MYO9A: variants seen among roughly 807,000 people sequenced by gnomAD.
The protein encoded by MYO9A is unconventional myosin-IXa.
A neutral mutation model predicts 293.3 loss-of-function variants in MYO9A; 103 were observed. The ratio of observed to expected loss-of-function variants is 0.35; its 90% CI spans 0.30 to 0.41. The LOEUF (loss-of-function observed/expected upper bound fraction) is 0.41, where lower values mean the gene tolerates loss of function less well. MYO9A is among the 10% of genes least tolerant of loss of function. MYO9A has a pLI of 1.00. For synonymous variants in MYO9A, 1,001 were observed against 1,035.7 expected, an observed-to-expected ratio of 0.97 and a Z score of 0.64; for missense variants, 2,685 against 3,033.0, an observed-to-expected ratio of 0.89 and a Z score of 2.69.
At chr15:71,871,941 T>C (rs974913666) in intron 32 of MYO9A, among the ~76,000 whole-genome samples, 4 of 151,752 alleles carry the variant, frequency 2.6e-5, no homozygotes, top group Admixed American at 1.3e-4. Context: ...AATGATTTTA[T>C]ACGGACACTG....
At chr15:71,827,735 T>C in intron 41 of MYO9A, 149 bp downstream of exon 41, 1 of 843,714 alleles carries the variant, frequency 1.2e-6, no homozygotes, top group Admixed American at 2.7e-5. Flanking sequence ...AGGCTAAAAT[T>C]ATATGGATAA....
rs2080030805 is a variant in MYO9A at position 72,095,179 on chromosome 15, CT to C, written c.-72+22500del. ...CCTAGACAGGCCAAAAGCTAGACCT[CT>C]TGTGCAAAACAGTTTGCCAAGTTGT... On this transcript the variant is annotated intron_variant, in intron 1 of 41. Transcript: ENST00000356056. Among the ~76,000 whole-genome samples, 3 of 92,500 alleles carry C rather than the reference CT, an allele frequency of 3.2e-5. 1 individual carries two copies. The highest frequency in any genetic ancestry group is 7.7e-5 in the African/African-American group (3 of 39,094). The allele number at this position is 92,500 out of a possible 152,430, so 60.7% of individuals were successfully genotyped here. A position where few individuals can be genotyped will look rare whatever the true frequency, so the allele number is the denominator to read the frequency against.
chr15:72,044,581 TATGC>T (rs1392715266), intron 2 of MYO9A, among the ~76,000 whole-genome samples: 1 of 152,198 alleles, frequency 6.6e-6, no homozygotes, highest in African/African-American at 2.4e-5. Flanking sequence ...GCTCTGTTTC[TATGC>T]ATTCAACTTT....
intron 14 of MYO9A, chr15:71,953,706 T>C (rs2059111147): frequency 6.6e-6 from 1 of 152,172 alleles, no homozygotes; most frequent in South Asian, 2.1e-4. Context: ...TTCTATACCT[T>C]TTTACAGTTT....
At chr15:72,096,160 CAAA>C (rs990440272) in intron 1 of MYO9A, among the ~76,000 whole-genome samples, 7 of 61,482 alleles carry the variant, frequency 1.1e-4, no homozygotes, top group Admixed American at 2.1e-4. Flanking sequence ...GAGACTGTCT[CAAA>C]AAAAAAAAAA....
chr15:71,847,971 G>C (rs528561294), intron 39 of MYO9A, among the ~76,000 whole-genome samples: 107 of 152,208 alleles, frequency 7.0e-4, no homozygotes, highest in African/African-American at 2.5e-3. Flanking sequence ...GAAGATATGG[G>C]AGGAAGTACT....
intron 11 of MYO9A, among the ~76,000 whole-genome samples, chr15:71,984,728 A>G (rs2076365994): frequency 6.6e-6 from 1 of 152,148 alleles, no homozygotes; most frequent in African/African-American, 2.4e-5. Flanking sequence ...TGTCTTTTCA[A>G]TTTCACAGTA....
chr15:71,900,074 G>C (rs1240843129), intron 23 of MYO9A, 68 bp from the exon 24 acceptor site: 1 of 1,392,506 alleles, frequency 7.2e-7, no homozygotes, highest in Non-Finnish European at 9.7e-7. Context: ...AGGAAAAAAA[G>C]AGAATAAATT....
chr15:72,011,054 G>A (rs2077158017), intron 6 of MYO9A, among the ~76,000 whole-genome samples: 1 of 151,326 alleles, frequency 6.6e-6, no homozygotes, highest in African/African-American at 2.4e-5. Context: ...CTGTTGCTCA[G>A]GCTGGAGTAC....
At chr15:72,079,394 T>C (rs527625081) in intron 1 of MYO9A, among the ~76,000 whole-genome samples, 5 of 152,296 alleles carry the variant, frequency 3.3e-5, no homozygotes, top group Admixed American at 6.5e-5. Context: ...TACTATAAAA[T>C]TTTGGCATTT....
chr15:71,994,860 G>A (rs1282811798), intron 9 of MYO9A, among the ~76,000 whole-genome samples: 1 of 152,126 alleles, frequency 6.6e-6, no homozygotes, highest in Non-Finnish European at 1.5e-5. Flanking sequence ...AGCTTCCCAC[G>A]TAGCTGGGAT....
At chr15:72,059,496 G>T (rs1378228894) in intron 1 of MYO9A, among the ~76,000 whole-genome samples, 1 of 152,160 alleles carries the variant, frequency 6.6e-6, no homozygotes, top group Non-Finnish European at 1.5e-5. Flanking sequence ...CTTTGTGAAG[G>T]TTTTTATCTG....
intron 12 of MYO9A, among the ~76,000 whole-genome samples, chr15:71,970,716 T>C (rs778691273): frequency 2.6e-5 from 4 of 152,188 alleles, no homozygotes; most frequent in Admixed American, 1.3e-4. Flanking sequence ...AAAGTAATTA[T>C]AATAATAGGA....
intron 1 of MYO9A, among the ~76,000 whole-genome samples, chr15:72,082,071 G>A (rs28748021): frequency 0.013 from 2,043 of 152,224 alleles, 29 homozygotes; most frequent in African/African-American, 0.023. Context: ...TATGAAGAAT[G>A]TCATTGGTAG....
At chr15:72,079,328 A>G (rs2079467742) in intron 1 of MYO9A, among the ~76,000 whole-genome samples, 1 of 152,102 alleles carries the variant, frequency 6.6e-6, no homozygotes, top group Non-Finnish European at 1.5e-5. Flanking sequence ...AAATTTTAAA[A>G]ATAAAGTATA....
rs372543117 is a variant in MYO9A at position 72,078,652 on chromosome 15, A to G, written c.-71-32018T>C. Among the ~76,000 whole-genome samples the G allele has an allele frequency of 6.9e-4, 105 of 152,322 alleles. 1 individual carries two copies. In the South Asian group the frequency reaches 0.02, roughly 29 times the overall value. On this transcript the variant is annotated intron_variant, in intron 1 of 41. Transcript: ENST00000356056. ...AATATGGTGAGAAACTGTTGCTAAA[A>G]ATAAAAAAATAACTTTAAAAACCTG... is the stretch of plus-strand genomic sequence containing the variant.
At chr15:71,945,766 A>G (rs759525080) in intron 15 of MYO9A, among the ~76,000 whole-genome samples, 33 of 152,106 alleles carry the variant, frequency 2.2e-4, no homozygotes, top group Non-Finnish European at 4.3e-4. Flanking sequence ...CCTTTAGCAA[A>G]TGTCAAATTT....
chr15:71,965,369 T>C (rs948184870), intron 13 of MYO9A, among the ~76,000 whole-genome samples: 5 of 152,162 alleles, frequency 3.3e-5, no homozygotes, highest in East Asian at 1.9e-4. Flanking sequence ...AGAAAAATAT[T>C]GAAGAAAAAA....
At chr15:71,846,631 A>C (rs958396534) in intron 39 of MYO9A, among the ~76,000 whole-genome samples, 2 of 152,236 alleles carry the variant, frequency 1.3e-5, no homozygotes, top group African/African-American at 4.8e-5. Context: ...GCTGGAGTTA[A>C]GAGGCAGTTA....
Sources: allele counts gnomAD v4.1 joint callset (sites outside exome capture counted in the v4.1 genomes callset), GRCh38; gene constraint gnomAD v4.1.1; transcripts MANE v1.5; gene names NCBI Gene and HGNC (gene_info 2026-07-23, HGNC 2026-07-21).